Variants in PDE9A observed in about 807,000 individuals in gnomAD.
The protein encoded by PDE9A is phosphodiesterase 9A.
Under a neutral mutation model 87.4 loss-of-function variants are expected in PDE9A, and 60 were observed. The ratio of observed to expected loss-of-function variants is 0.69; its 90% confidence interval spans 0.56 to 0.85. PDE9A has a LOEUF of 0.85. Among genes scored for constraint, PDE9A ranks in the 40% least tolerant of loss-of-function variants. The pLI is 0.00. For missense variants in PDE9A, 665 were observed against 779.0 expected (o/e 0.85, Z 1.74); for synonymous variants, 272 against 279.4 (o/e 0.97, Z 0.27).
intron 4 of PDE9A, among the ~76,000 whole-genome samples, chr21:42,715,189 T>TG (rs1896823778): frequency 4.8e-5 from 1 of 20,660 alleles, no homozygotes; most frequent in Non-Finnish European, 8.2e-5. Flanking sequence ...GCATCTTTAC[T>TG]TTTTTTTTTT....
At chr21:42,697,394 T>C (rs1268721178) in intron 3 of PDE9A, 2 of 1,544,712 alleles carry the variant, frequency 1.3e-6, no homozygotes, top group Admixed American at 3.3e-5. Context: ...CCCTCCATAT[T>C]CACTGTGTTT....
Position 42,673,947 on chromosome 21 carries a change from G to A in PDE9A, c.70-12245G>A, listed in dbSNP as rs143593073. Among the ~76,000 whole-genome samples, 131 of 152,372 alleles carry A rather than the reference G, an allele frequency of 8.6e-4. 1 individual carries two copies. The highest frequency in any genetic ancestry group is 3.1e-3 in the African/African-American group (131 of 41,588). ...GTGGACCTGACCCCAAAGAGAATGCGTCGTCCTTGAACGTGTCGATATTTA... is the reference window on the plus strand; with the variant it reads ...GTGGACCTGACCCCAAAGAGAATGCATCGTCCTTGAACGTGTCGATATTTA... On this transcript the variant is annotated intron_variant, in intron 1 of 19. Transcript: ENST00000291539.
At chr21:42,708,288 G>A (rs150001021) in intron 4 of PDE9A, among the ~76,000 whole-genome samples, 6 of 152,264 alleles carry the variant, frequency 3.9e-5, no homozygotes, top group East Asian at 1.9e-4. Context: ...AGCCCTTAGC[G>A]TGCCACTGTC....
intron 4 of PDE9A, among the ~76,000 whole-genome samples, chr21:42,711,396 G>A (rs887638953): frequency 4.6e-5 from 7 of 151,878 alleles, no homozygotes; most frequent in South Asian, 2.1e-4. Flanking sequence ...GATTACAGGC[G>A]TTTGCCACCA....
chr21:42,726,613 TATATATATA>T (rs1311762382), intron 4 of PDE9A, among the ~76,000 whole-genome samples: 383 of 28,412 alleles, frequency 0.013, 10 homozygotes, highest in East Asian at 0.027. Context: ...TATATATATA[TATATATATA>T]TATTTTTTTT....
At chr21:42,713,932 G>A (rs985153008) in intron 4 of PDE9A, among the ~76,000 whole-genome samples, 18 of 140,922 alleles carry the variant, frequency 1.3e-4, no homozygotes, top group Middle Eastern at 4.2e-3. Context: ...GTGGAGTCTC[G>A]CTTTGTTGCC....
intron 3 of PDE9A, among the ~76,000 whole-genome samples, chr21:42,691,194 C>T (rs2059815453): frequency 6.6e-6 from 1 of 150,840 alleles, no homozygotes; most frequent in African/African-American, 2.4e-5. Context: ...CCTTTACCAT[C>T]ACCATCCAGA....
chr21:42,670,240 C>CATAT (rs796446421), intron 1 of PDE9A, among the ~76,000 whole-genome samples: 1 of 97,692 alleles, frequency 1.0e-5, no homozygotes, highest in African/African-American at 3.3e-5. Flanking sequence ...TACATTCACA[C>CATAT]TCATACACAT....
intron 9 of PDE9A, among the ~76,000 whole-genome samples, chr21:42,752,074 T>G (rs2054495893): frequency 6.6e-6 from 1 of 151,974 alleles, no homozygotes; most frequent in Non-Finnish European, 1.5e-5. Context: ...CATGCTAAGA[T>G]TCAGGGGGCA....
In PDE9A at chr21:42,696,700, G is replaced by A. The variant is rs750241743; in HGVS notation, c.219-2268G>A. 4.8e-4 allele frequency among the ~76,000 whole-genome samples: 73 copies of A among 152,170 alleles called. No individual in the cohort carries two copies. The highest frequency in any genetic ancestry group is 4.3e-4 in the Non-Finnish European group (29 of 68,018). Reference sequence around the variant, plus strand: ...GGCCCTTCCTAGGCAACCCTGGCACGGGTCCTCACTGGCCACACTGAGGCC... The same window carrying A: ...GGCCCTTCCTAGGCAACCCTGGCACAGGTCCTCACTGGCCACACTGAGGCC... On this transcript the variant is annotated intron_variant, in intron 3 of 19. Coordinates refer to ENST00000291539, the MANE Select transcript of PDE9A (RefSeq NM_002606.3). The surrounding 1 kb of genome is among the most constrained non-coding windows in gnomAD (Gnocchi z 5.1).
chr21:42,669,230 C>G (rs779771961), intron 1 of PDE9A, among the ~76,000 whole-genome samples: 50 of 152,106 alleles, frequency 3.3e-4, no homozygotes, highest in Non-Finnish European at 3.8e-4. Flanking sequence ...GTGGGCAGGG[C>G]CGCGCTCCCT....
chr21:42,713,792 G>A (rs1249655940), intron 4 of PDE9A, among the ~76,000 whole-genome samples: 1 of 151,878 alleles, frequency 6.6e-6, no homozygotes, highest in Non-Finnish European at 1.5e-5. Context: ...TAATGTGTAT[G>A]TTAATTCACT....
chr21:42,751,683 A>T (rs1225359544), intron 9 of PDE9A, among the ~76,000 whole-genome samples: 1 of 150,522 alleles, frequency 6.6e-6, no homozygotes, highest in African/African-American at 2.4e-5. Flanking sequence ...GAGGGTCTCG[A>T]GTTGCCGGTC....
chr21:42,729,271 T>C (rs561981044), intron 4 of PDE9A, among the ~76,000 whole-genome samples: 2 of 152,306 alleles, frequency 1.3e-5, no homozygotes, highest in African/African-American at 4.8e-5. Flanking sequence ...GTCAGAGTTA[T>C]GTGTGTAGAG....
rs1446101908 is a variant in PDE9A, at chr21:42,695,234, C to T, written c.219-3734C>T. ...CTAACGACCAACAAATATAAAAAGT[C>T]ATAGCCCAACCATGATCAAATAAGG... On this transcript the variant is annotated intron_variant, in intron 3 of 19. Transcript: ENST00000291539. The surrounding 1 kb of genome is among the most constrained non-coding windows in gnomAD (Gnocchi z 4.3). Among the ~76,000 whole-genome samples, 1 of 152,250 alleles carries T rather than the reference C, an allele frequency of 6.6e-6. No homozygotes were observed. Among genetic ancestry groups the T allele is most frequent in the Non-Finnish European group, 1.5e-5 (1 of 68,042 alleles).
chr21:42,670,609 ACACT>A (rs1268692328), intron 1 of PDE9A, among the ~76,000 whole-genome samples: 4 of 151,628 alleles, frequency 2.6e-5, no homozygotes, highest in South Asian at 2.1e-4. Context: ...ATGCACTCAC[ACACT>A]ATCACATTCA....
At chr21:42,681,839 A>G (rs2059182383) in intron 1 of PDE9A, among the ~76,000 whole-genome samples, 1 of 152,156 alleles carries the variant, frequency 6.6e-6, no homozygotes. Flanking sequence ...TCATTTTATC[A>G]ACTTTTTTTG....
rs910699276 is a variant in PDE9A at position 42,675,893 on chromosome 21, T to C, written c.70-10299T>C. 2.0e-5 allele frequency among the ~76,000 whole-genome samples: 3 copies of C among 152,156 alleles called. No individual in the cohort carries two copies. The highest frequency in any genetic ancestry group is 7.2e-5 in the African/African-American group (3 of 41,430). On this transcript the variant is annotated intron_variant, in intron 1 of 19. Coordinates refer to ENST00000291539, the MANE Select transcript of PDE9A (RefSeq NM_002606.3). The surrounding 1 kb of genome is among the most constrained non-coding windows in gnomAD (Gnocchi z 4.3). Reference sequence around the variant, plus strand: ...TCTCATGTTGAATTGGTATCCTCAGTGTTGGAGTGGGGCCTGGTGGGAGGT... The same window carrying C: ...TCTCATGTTGAATTGGTATCCTCAGCGTTGGAGTGGGGCCTGGTGGGAGGT...
chr21:42,769,653 G>GT (rs2056818075), intron 17 of PDE9A, among the ~76,000 whole-genome samples: 2 of 39,888 alleles, frequency 5.0e-5, no homozygotes, highest in Admixed American at 2.3e-4. Flanking sequence ...GGGACACACA[G>GT]GCACACATAG....
Sources: allele counts gnomAD v4.1 joint callset (sites outside exome capture counted in the v4.1 genomes callset), GRCh38; gene constraint gnomAD v4.1.1; non-coding constraint Gnocchi (gnomAD v3.1); transcripts MANE v1.5; gene names NCBI Gene and HGNC (gene_info 2026-07-23, HGNC 2026-07-21).